The following CCDC7 variants were observed in gnomAD, a reference collection of about 807,000 sequenced individuals.
CCDC7 encodes the protein coiled-coil domain containing 7.
Under a neutral mutation model 196.9 loss-of-function variants are expected in CCDC7, and 183 were observed. The observed-to-expected ratio is 0.93, with a 90% CI of 0.82 to 1.05. CCDC7 has a LOEUF of 1.05. Among genes scored for constraint, CCDC7 ranks in the 50% least tolerant of loss-of-function variants. CCDC7 has a pLI of 0.00. For synonymous variants in CCDC7, 525 were observed against 484.6 expected (o/e 1.08, Z -1.10); for missense variants, 1,540 against 1,482.2 (o/e 1.04, Z -0.64).
chr10:32,664,688 G>C (rs2072262880), intron 21 of CCDC7, among the ~76,000 whole-genome samples: 1 of 151,782 alleles, frequency 6.6e-6, no homozygotes, highest in Admixed American at 6.6e-5. Context: ...CTTTTTTTAA[G>C]GGTGATTTTC....
chr10:32,725,438 T>G (rs2082981625), intron 25 of CCDC7: 1 of 469,600 alleles, frequency 2.1e-6, no homozygotes, highest in Non-Finnish European at 4.4e-6. Flanking sequence ...GTTTTTTTGT[T>G]CCATATATTA....
At chr10:32,640,529 G>A (rs1279106448) in intron 20 of CCDC7, among the ~76,000 whole-genome samples, 1 of 152,146 alleles carries the variant, frequency 6.6e-6, no homozygotes, top group East Asian at 1.9e-4. Context: ...GTATTGTTAT[G>A]TGTGAATTTT....
chr10:32,478,567 A>G (rs1043485144), intron 8 of CCDC7, among the ~76,000 whole-genome samples: 2 of 152,240 alleles, frequency 1.3e-5, no homozygotes, highest in East Asian at 1.9e-4. Context: ...ATTTATTGAT[A>G]TGATCATATG....
chr10:32,639,999 G>A (rs2066427225), intron 20 of CCDC7, among the ~76,000 whole-genome samples: 1 of 152,144 alleles, frequency 6.6e-6, no homozygotes, highest in South Asian at 2.1e-4. Context: ...GTGTGGTGCT[G>A]AGAAGAATGT....
At chr10:32,448,652 G>C (rs2032111169), upstream of CCDC7, among the ~76,000 whole-genome samples, 1 of 151,524 alleles carries the variant, frequency 6.6e-6, no homozygotes, top group Non-Finnish European at 1.5e-5. Context: ...ATCAACTTTT[G>C]CCATGGTTTC....
intron 18 of CCDC7, among the ~76,000 whole-genome samples, chr10:32,591,417 G>C (rs982966319): frequency 6.6e-6 from 1 of 151,696 alleles, no homozygotes; most frequent in African/African-American, 2.4e-5. Context: ...GTTATTAGCT[G>C]CAAAGGCCAA....
exon 17 of CCDC7, chr10:32,583,272 T>A: frequency 4.9e-6 from 6 of 1,231,468 alleles, no homozygotes; most frequent in Non-Finnish European, 6.1e-6. Context: ...GATATCACCA[T>A]TCATTTTACC....
intron 25 of CCDC7, among the ~76,000 whole-genome samples, chr10:32,717,100 C>T (rs1281482269): frequency 3.9e-5 from 6 of 152,208 alleles, no homozygotes; most frequent in Non-Finnish European, 5.9e-5. Context: ...CACCACGTCG[C>T]ACTTATTCTA....
At chr10:32,464,810 C>T (rs560411626) in intron 5 of CCDC7, among the ~76,000 whole-genome samples, 2 of 152,096 alleles carry the variant, frequency 1.3e-5, no homozygotes, top group Non-Finnish European at 2.9e-5. Flanking sequence ...TGTGCCCTGC[C>T]GTGCCCTCTC....
intron 8 of CCDC7, among the ~76,000 whole-genome samples, chr10:32,482,327 A>G (rs945680940): frequency 2.0e-5 from 3 of 152,012 alleles, no homozygotes; most frequent in African/African-American, 7.2e-5. Context: ...CCAATAGGTA[A>G]TAGCCTTTAA....
rs141528432 is a variant in CCDC7 at position 32,688,149 on chromosome 10, C to T, written c.2234-904C>T. ...CAGAATGAGGGGCTCTGTTGTGACA[C>T]ACTATACACGGTGCCACTGTCGCAC... is the stretch of plus-strand genomic sequence containing the variant. On this transcript the variant is annotated intron_variant, in intron 22 of 41. Transcript: ENST00000639629. Among the ~76,000 whole-genome samples the T allele has an allele frequency of 8.5e-4, 129 of 152,188 alleles. 1 individual carries two copies. The highest frequency in any genetic ancestry group is 2.8e-3 in the African/African-American group (117 of 41,526).
intron 31 of CCDC7, among the ~76,000 whole-genome samples, chr10:32,815,764 C>T (rs540249865): frequency 2.6e-4 from 40 of 152,132 alleles, no homozygotes; most frequent in African/African-American, 8.4e-4. Flanking sequence ...CAATTCATCC[C>T]GTAGAAGAGA....
intron 20 of CCDC7, among the ~76,000 whole-genome samples, chr10:32,657,657 G>T (rs918661742): frequency 2.0e-5 from 3 of 152,182 alleles, no homozygotes; most frequent in African/African-American, 7.2e-5. Flanking sequence ...GCCTGTGATG[G>T]GAGGGGCTGC....
At chr10:32,560,015 C>A (rs947855754) in intron 13 of CCDC7, among the ~76,000 whole-genome samples, 5 of 151,966 alleles carry the variant, frequency 3.3e-5, no homozygotes, top group Admixed American at 6.6e-5. Flanking sequence ...TCGAGAACTA[C>A]GTGAAGAATG....
chr10:32,544,325 C>G (rs749734259), intron 13 of CCDC7, 24 bp downstream of exon 14: 1 of 1,593,638 alleles, frequency 6.3e-7, no homozygotes, highest in East Asian at 2.3e-5. Flanking sequence ...TCTCTCTATG[C>G]ATCAATATTT....
At chr10:32,684,912 T>G (rs1012130627) in intron 21 of CCDC7, among the ~76,000 whole-genome samples, 5 of 151,916 alleles carry the variant, frequency 3.3e-5, no homozygotes, top group African/African-American at 1.2e-4. Context: ...TTCACTAAGT[T>G]TGCTTTCAGT....
At chr10:32,456,383 G>C (rs764027763) in intron 3 of CCDC7, 49 bp downstream of exon 4, 1 of 1,387,908 alleles carries the variant, frequency 7.2e-7, no homozygotes, top group East Asian at 2.6e-5. Context: ...AACTTGTACT[G>C]GTTGTTGAAA....
At position 32,716,804 on chromosome 10, in the gene CCDC7, G is replaced by A. The variant is rs542450412; in HGVS notation, c.2569+5074G>A. Reference sequence around the variant, plus strand: ...CAAAGATCAAAAAAGACAACGAAGAGCATTACATAATGGCAAAGGGATCAA... The same window carrying A: ...CAAAGATCAAAAAAGACAACGAAGAACATTACATAATGGCAAAGGGATCAA... On this transcript the variant is annotated intron_variant, in intron 25 of 41. Coordinates refer to ENST00000639629, the Ensembl canonical transcript of CCDC7. Among the ~76,000 whole-genome samples, 60 of 152,270 alleles carry A rather than the reference G, an allele frequency of 3.9e-4. 2 individuals are homozygous for A. In the South Asian group the frequency reaches 0.012, roughly 31 times the overall value.
Position 32,684,032 on chromosome 10 carries a change from C to G in CCDC7, c.2123-1938C>G, listed in dbSNP as rs746773955. 6.9e-4 allele frequency among the ~76,000 whole-genome samples: 105 copies of G among 152,266 alleles called. 1 individual carries two copies. The Middle Eastern group carries it at 0.014, about 20-fold the overall frequency. ...CAAAAGCTGTGGGCCTATTGTGTTA[C>G]CTCTGGAATCTCTGCCTCAGAGAAA... On this transcript the variant is annotated intron_variant, in intron 21 of 41. Coordinates refer to ENST00000639629, the Ensembl canonical transcript of CCDC7.
Sources: allele counts gnomAD v4.1 joint callset (sites outside exome capture counted in the v4.1 genomes callset), GRCh38; gene constraint gnomAD v4.1.1; transcripts MANE v1.5; gene names NCBI Gene and HGNC (gene_info 2026-07-23, HGNC 2026-07-21).